PLCB4: variants seen among roughly 807,000 people sequenced by gnomAD.
The protein encoded by PLCB4 is 1-phosphatidylinositol 4,5-bisphosphate phosphodiesterase beta-4.
PLCB4 carries 77 observed loss-of-function variants against 178.8 expected under a neutral mutation model. That is an observed-to-expected ratio of 0.43 (90% confidence interval 0.36 to 0.52). The LOEUF is 0.52. Ranked by LOEUF, PLCB4 falls within the 20% of genes least tolerant of loss-of-function variation. The pLI is 0.00. For synonymous variants in PLCB4, 496 were observed against 490.8 expected (o/e 1.01, Z -0.14); for missense variants, 1,024 against 1,453.4 (o/e 0.70, Z 4.80).
At chr20:9,255,242 A>G (rs920355027) in intron 3 of PLCB4, among the ~76,000 whole-genome samples, 2 of 152,200 alleles carry the variant, frequency 1.3e-5, no homozygotes, top group Non-Finnish European at 2.9e-5. Context: ...ACTCAGAGAA[A>G]AGCAGTATAT....
At chr20:9,127,683 T>TATCC (rs1202312610) in intron 2 of PLCB4, among the ~76,000 whole-genome samples, 1,295 of 65,702 alleles carry the variant, frequency 0.02, 12 homozygotes, top group Middle Eastern at 0.055. Context: ...TCTATCTATC[T>TATCC]ATCCATCCAT....
At chr20:9,348,828 A>G (rs1466603780) in intron 7 of PLCB4, among the ~76,000 whole-genome samples, 4 of 152,174 alleles carry the variant, frequency 2.6e-5, no homozygotes, top group Admixed American at 6.5e-5. Flanking sequence ...GTATCAGTGA[A>G]GTTATTTCTT....
intron 3 of PLCB4, among the ~76,000 whole-genome samples, chr20:9,268,846 A>G (rs2094374853): frequency 6.6e-6 from 1 of 152,260 alleles, no homozygotes; most frequent in South Asian, 2.1e-4. Flanking sequence ...CATTTCTTTT[A>G]TATAAAATTT....
At chr20:9,298,957 A>C (rs1402171606) in intron 3 of PLCB4, among the ~76,000 whole-genome samples, 1 of 152,078 alleles carries the variant, frequency 6.6e-6, no homozygotes, top group Admixed American at 6.6e-5. Flanking sequence ...TGTAGCCCAG[A>C]ATTCATTAAA....
chr20:9,373,061 C>T lies in PLCB4; in HGVS notation c.701C>T (p.Thr234Ile). The T allele has an allele frequency of 6.6e-7, 1 of 1,520,174 alleles. No homozygotes were observed. The highest frequency in any genetic ancestry group is 9.1e-7 in the Non-Finnish European group (1 of 1,096,650). The allele number at this position is 1,520,174 out of a possible 1,614,324, so 94.2% of individuals were successfully genotyped here. The change falls in exon 12 of 40, where the codon ACT becomes ATT. Residue 234 changes from threonine (T) to isoleucine (I), a missense_variant. By Grantham distance (89) the Thr-to-Ile change is moderately conservative (BLOSUM62 -1). Coordinates refer to ENST00000378473, the MANE Select transcript of PLCB4 (RefSeq NM_001377142.1). ...TTTCTTTTCAGCAATGGAGACAAAACTGATTATTTAACGGTAGACCAATTA... is the reference window on the plus strand; with the variant it reads ...TTTCTTTTCAGCAATGGAGACAAAATTGATTATTTAACGGTAGACCAATTA... ...DLFKKINGDK[T>I]DYLTVDQLVS...
chr20:9,435,713 C>A, intron 29 of PLCB4, 65 bp downstream of exon 29: 3 of 924,320 alleles, frequency 3.2e-6, no homozygotes, highest in East Asian at 2.5e-5. Flanking sequence ...ACAGTGTTTA[C>A]AAAAACAAGA....
chr20:9,194,408 C>T (rs1425720040), intron 2 of PLCB4, among the ~76,000 whole-genome samples: 3 of 151,788 alleles, frequency 2.0e-5, no homozygotes, highest in African/African-American at 4.8e-5. Flanking sequence ...CTTTTTGGGC[C>T]GGGCGCAGTG....
In PLCB4 at chr20:9,134,761, GT is replaced by G. The variant is rs537320883; in HGVS notation, c.-79+38420del. ...AACCAATGTTATACTTGTTATGAAT[GT>G]GCTAGTTAGGAAGAAAAGTGAAAGA... is the stretch of plus-strand genomic sequence containing the variant. On this transcript the variant is annotated intron_variant, in intron 2 of 39. Coordinates refer to ENST00000378473, the MANE Select transcript of PLCB4 (RefSeq NM_001377142.1). Among the ~76,000 whole-genome samples the G allele has an allele frequency of 4.4e-4, 67 of 152,190 alleles. No individual in the cohort carries two copies. In the South Asian group the frequency reaches 7.1e-3, roughly 16 times the overall value.
At chr20:9,401,767 A>G (rs2039046377) in intron 20 of PLCB4, among the ~76,000 whole-genome samples, 177 bp downstream of exon 20, 1 of 152,192 alleles carries the variant, frequency 6.6e-6, no homozygotes, top group African/African-American at 2.4e-5. Flanking sequence ...TTAAATTTAA[A>G]AGGACATTTA....
chr20:9,115,504 T>C (rs560818171), intron 2 of PLCB4, among the ~76,000 whole-genome samples: 1 of 151,638 alleles, frequency 6.6e-6, no homozygotes, highest in Non-Finnish European at 1.5e-5. Context: ...TGTATACATG[T>C]GCCATGTTGT....
intron 20 of PLCB4, among the ~76,000 whole-genome samples, chr20:9,405,022 C>A (rs2039332162): frequency 6.6e-6 from 1 of 152,182 alleles, no homozygotes; most frequent in Non-Finnish European, 1.5e-5. Flanking sequence ...ACCATTCATG[C>A]TGCTTTTCCT....
At chr20:9,374,848 GC>G (rs1456284923) in intron 12 of PLCB4, among the ~76,000 whole-genome samples, 1 of 151,930 alleles carries the variant, frequency 6.6e-6, no homozygotes, top group Non-Finnish European at 1.5e-5. Flanking sequence ...TTCTTGTTCT[GC>G]CATTCAGATT....
rs954565977 is a variant in PLCB4, at chr20:9,411,039, T to C, written c.2002T>C (p.Leu668=). The C allele has an allele frequency of 6.2e-7, 1 of 1,609,564 alleles. No homozygotes were observed. The highest frequency in any genetic ancestry group is 8.5e-7 in the Non-Finnish European group (1 of 1,175,948). The part of the protein sequence containing the change: ...MVSLNYQTPD[L]AMQLNQGKFE... ...AAATTATTTTTGTCTCTTGACAGATTTAGCGATGCAATTGAATCAGGGAAA... is the reference window on the plus strand; with the variant it reads ...AAATTATTTTTGTCTCTTGACAGATCTAGCGATGCAATTGAATCAGGGAAA... The change falls in exon 25 of 40, where the codon TTA becomes CTA. Residue 668 remains leucine (L), a splice_region_variant and synonymous_variant. Transcript: ENST00000378473.
At chr20:9,297,350 G>C (rs894204116) in intron 3 of PLCB4, among the ~76,000 whole-genome samples, 1 of 151,868 alleles carries the variant, frequency 6.6e-6, no homozygotes, top group African/African-American at 2.4e-5. Context: ...TAATATGGTG[G>C]ACTCTGGGGA....
chr20:9,187,509 C>A (rs917592339), intron 2 of PLCB4, among the ~76,000 whole-genome samples: 3 of 152,178 alleles, frequency 2.0e-5, no homozygotes, highest in Non-Finnish European at 4.4e-5. Flanking sequence ...AGACTGTAAA[C>A]CCTCTGAGGG....
chr20:9,185,988 T>C (rs1206721662), intron 2 of PLCB4, among the ~76,000 whole-genome samples: 2 of 152,250 alleles, frequency 1.3e-5, no homozygotes, highest in Non-Finnish European at 2.9e-5. Context: ...TTATTTATCA[T>C]GTTTAGCGTT....
intron 36 of PLCB4, among the ~76,000 whole-genome samples, chr20:9,471,223 C>G (rs2044169868): frequency 6.6e-6 from 1 of 151,784 alleles, no homozygotes; most frequent in African/African-American, 2.4e-5. Context: ...AATGAGCTAA[C>G]CACTCAAAGA....
intron 2 of PLCB4, among the ~76,000 whole-genome samples, chr20:9,195,417 C>G (rs1264395448): frequency 6.6e-6 from 1 of 152,216 alleles, no homozygotes; most frequent in East Asian, 1.9e-4. Flanking sequence ...CTGGCTGTGT[C>G]TGTAAGGATG....
chr20:9,293,084 A>G (rs1294271442), intron 3 of PLCB4, among the ~76,000 whole-genome samples: 1 of 151,596 alleles, frequency 6.6e-6, no homozygotes, highest in Non-Finnish European at 1.5e-5. Context: ...AGAAAGAAAG[A>G]AAGAAAGAAA....
Sources: allele counts gnomAD v4.1 joint callset (sites outside exome capture counted in the v4.1 genomes callset), GRCh38; gene constraint gnomAD v4.1.1; transcripts MANE v1.5; gene names NCBI Gene and HGNC (gene_info 2026-07-23, HGNC 2026-07-21).